CFLAR: variants seen among roughly 807,000 people sequenced by gnomAD.
CFLAR encodes CASP8 and FADD-like apoptosis regulator.
CFLAR carries 14 observed loss-of-function variants against 51.1 expected under a neutral mutation model. The ratio of observed to expected loss-of-function variants is 0.27; its 90% confidence interval spans 0.18 to 0.43. CFLAR has a LOEUF of 0.43. CFLAR is among the 20% of genes least tolerant of loss of function. The pLI is 1.00. For synonymous variants in CFLAR, 210 were observed against 211.6 expected (o/e 0.99, Z 0.06); for missense variants, 390 against 566.5 (o/e 0.69, Z 3.16).
rs189213508 is a variant in CFLAR at position 201,166,161 on chromosome 2, C to T, written c.*2188C>T. ...TCACTTCCCAGATGGGGCGGCCAGG[C>T]GGACGCGCCCCCCACCTCCCTCCCG... is the stretch of plus-strand genomic sequence containing the variant. On this transcript the variant is annotated 3_prime_UTR_variant, in exon 10 of 10. Transcript: ENST00000309955. The T allele has an allele frequency of 0.033, 5,350 of 162,926 alleles. 131 individuals carry two copies. The highest frequency in any genetic ancestry group is 0.074 in the Middle Eastern group (24 of 326). The allele number at this position is 162,926 out of a possible 1,614,324, so 10.1% of individuals were successfully genotyped here.
intron 5 of CFLAR, 76 bp downstream of exon 5, chr2:201,140,515 C>A: frequency 9.6e-7 from 1 of 1,044,550 alleles, no homozygotes; most frequent in Non-Finnish European, 1.4e-6. Context: ...CATATTCTCA[C>A]AGCATGTACT....
Position 201,144,656 on chromosome 2 carries a change from C to A in CFLAR, c.607-722C>A, listed in dbSNP as rs565996568. On this transcript the variant is annotated intron_variant, in intron 5 of 9. Coordinates refer to ENST00000309955, the MANE Select transcript of CFLAR (RefSeq NM_003879.7). ...GGATTCCTAGCCAGGTCTGTCTGGC[C>A]TAGAAATCCGACTCTTAACCATGCT... 3.7e-4 allele frequency among the ~76,000 whole-genome samples: 56 copies of A among 152,214 alleles called. No individual in the cohort carries two copies. In the South Asian group the frequency reaches 0.011, roughly 30 times the overall value.
chr2:201,140,254 T>C, intron 4 of CFLAR, 103 bp from the exon 5 acceptor site: 2 of 1,425,896 alleles, frequency 1.4e-6, no homozygotes, highest in Non-Finnish European at 1.9e-6. Context: ...AAGTTTAGGG[T>C]ATTTTGAAAG....
At chr2:201,163,071 T>A (rs774288458) in intron 9 of CFLAR, 1 of 754,338 alleles carries the variant, frequency 1.3e-6, no homozygotes, top group South Asian at 1.4e-5. Flanking sequence ...TCTTACTAGA[T>A]GTCCTATAGG....
At chr2:201,121,770 C>T (rs2048208594) in intron 1 of CFLAR, among the ~76,000 whole-genome samples, 1 of 152,174 alleles carries the variant, frequency 6.6e-6, no homozygotes, top group South Asian at 2.1e-4. Flanking sequence ...TTAATTTAAG[C>T]CAATCTTGTC....
chr2:201,126,425 G>A (rs1387625874), intron 1 of CFLAR, among the ~76,000 whole-genome samples: 1 of 152,168 alleles, frequency 6.6e-6, no homozygotes, highest in Non-Finnish European at 1.5e-5. Flanking sequence ...CTGGGAGTCA[G>A]CTTGCACAAG....
At chr2:201,148,936 A>G (rs1940777964) in intron 6 of CFLAR, 67 bp from the exon 7 acceptor site, 1 of 1,016,474 alleles carries the variant, frequency 9.8e-7, no homozygotes, top group Non-Finnish European at 1.6e-6. Flanking sequence ...AAAGAAACTC[A>G]GCCAGTGTAG....
intron 9 of CFLAR, chr2:201,163,313 A>G (rs1028537570): frequency 1.9e-5 from 24 of 1,242,214 alleles, no homozygotes; most frequent in Non-Finnish European, 1.9e-5. Flanking sequence ...TGAAGCCACA[A>G]TGTACCTCAA....
At chr2:201,140,321 A>G (rs1390364993) in intron 4 of CFLAR, 36 bp from the exon 5 acceptor site, 1 of 1,583,516 alleles carries the variant, frequency 6.3e-7, no homozygotes, top group South Asian at 1.1e-5. Flanking sequence ...AATAATTTGT[A>G]AGTTTTAACT....
chr2:201,168,655 C>A lies in CFLAR; in HGVS notation c.*4682C>A, dbSNP rs1267126724. ...GCAAGAGAAACAAATAAGGGGTATT[C>A]AAATAGGAAAAGAGGAAGTAAAACT... On this transcript the variant is annotated 3_prime_UTR_variant, in exon 10 of 10. Transcript: ENST00000309955. The A allele has an allele frequency of 6.9e-6, 1 of 145,732 alleles. No homozygotes were observed. The highest frequency in any genetic ancestry group is 1.9e-4 in the East Asian group (1 of 5,136). The allele number at this position is 145,732 out of a possible 1,614,324, so 9.0% of individuals were successfully genotyped here. A position where few individuals can be genotyped will look rare whatever the true frequency, so the allele number is the denominator to read the frequency against.
chr2:201,149,888 C>A, intron 8 of CFLAR, 53 bp downstream of exon 8: 1 of 1,334,726 alleles, frequency 7.5e-7, no homozygotes. Context: ...GATCATGGCA[C>A]AGGCAAGCTG....
intron 4 of CFLAR, chr2:201,139,982 T>G (rs1938181096): frequency 3.7e-6 from 1 of 267,230 alleles, no homozygotes; most frequent in African/African-American, 2.3e-5. Flanking sequence ...AGTGAACCCG[T>G]CCTCGACCAC....
At chr2:201,135,888 A>G (rs915029478) in intron 3 of CFLAR, 84 bp from the exon 4 acceptor site, 27 of 1,531,602 alleles carry the variant, frequency 1.8e-5, no homozygotes, top group Non-Finnish European at 2.3e-5. Context: ...CAGCCTCCCA[A>G]AGTGCTGGGA....
At chr2:201,162,819 G>A (rs904444554) in intron 9 of CFLAR, 9 of 518,724 alleles carry the variant, frequency 1.7e-5, no homozygotes, top group African/African-American at 1.4e-4. Context: ...ATTTTTGCAT[G>A]TCAGTAGTCA....
intron 4 of CFLAR, chr2:201,137,713 T>TG: frequency 1.3e-6 from 1 of 774,576 alleles, no homozygotes; most frequent in Non-Finnish European, 2.4e-6. Context: ...ATGGACCCTT[T>TG]GTCCTGGATG....
Position 201,160,863 on chromosome 2 carries a change from G to C in CFLAR, c.1225G>C (p.Asp409His), listed in dbSNP as rs1407802743. The change falls in exon 9 of 10, where the codon GAC (aspartate) becomes CAC (histidine). Residue 409 changes from aspartate to histidine, a missense_variant. Coordinates refer to ENST00000309955, the MANE Select transcript of CFLAR (RefSeq NM_003879.7). ...ADFFWSLCTA[D>H]MSLLEQSHSS... ...CTTCTTCTGGAGCCTGTGTACTGCGGACATGTCCCTGCTGGAGCAGTCTCA... is the reference window on the plus strand; with the variant it reads ...CTTCTTCTGGAGCCTGTGTACTGCGCACATGTCCCTGCTGGAGCAGTCTCA... 6.2e-7 allele frequency: 1 copy of C among 1,612,904 alleles called. No homozygotes were observed. The highest frequency in any genetic ancestry group is 8.5e-7 in the Non-Finnish European group (1 of 1,179,164).
rs1360257298 is a variant in CFLAR at position 201,160,487 on chromosome 2, T to A, written c.849T>A (p.His283Gln). 1 of 1,613,834 alleles carries A rather than the reference T, an allele frequency of 6.2e-7. No individual in the cohort carries two copies. Among genetic ancestry groups the A allele is most frequent in the Non-Finnish European group, 8.5e-7 (1 of 1,180,012 alleles). ...GCTATGAAGTCCAGAAATTCTTGCA[T>A]CTCAGTATGCATGGTATATCCCAGA... ...SLGYEVQKFLHLSMHGISQIL... is the reference protein window; with the variant it reads ...SLGYEVQKFLQLSMHGISQIL... Residue 283 changes from histidine to glutamine, a missense_variant, in exon 9 of 10, where the codon CAT (histidine) becomes CAA (glutamine). This residue lies in a region of CFLAR where 287 missense variants were observed against 363.6 expected (regional missense o/e 0.79). Transcript: ENST00000309955.
chr2:201,138,468 T>C lies in CFLAR; in HGVS notation c.524-1889T>C. On this transcript the variant is annotated intron_variant, in intron 4 of 9. Coordinates refer to ENST00000309955, the MANE Select transcript of CFLAR (RefSeq NM_003879.7). This position sits in a 1 kb window ranked among gnomAD's most constrained non-coding sequence, Gnocchi z 4.0. ...TCTTACTAAGCTGCAGGATCTCATT[T>C]GCCTCTTTCAACCTCACACTGCTGG... The C allele has an allele frequency of 1.1e-6, 1 of 934,602 alleles. No homozygotes were observed. The highest frequency in any genetic ancestry group is 1.3e-5 in the South Asian group (1 of 77,692). 57.9% of individuals were successfully genotyped at this position (934,602 alleles called of 1,614,324 possible). A position where few individuals can be genotyped will look rare whatever the true frequency, so the allele number is the denominator to read the frequency against.
At position 201,138,703 on chromosome 2, in the gene CFLAR, C is replaced by T. The variant is rs1435211120; in HGVS notation, c.524-1654C>T. 1.6e-5 allele frequency: 13 copies of T among 828,806 alleles called. No homozygotes were observed. Among genetic ancestry groups the T allele is most frequent in the South Asian group, 5.3e-5 (4 of 75,488 alleles). 51.3% of individuals were successfully genotyped at this position (828,806 alleles called of 1,614,324 possible). On this transcript the variant is annotated intron_variant, in intron 4 of 9. Coordinates refer to ENST00000309955, the MANE Select transcript of CFLAR (RefSeq NM_003879.7). This position sits in a 1 kb window ranked among gnomAD's most constrained non-coding sequence, Gnocchi z 4.0. ...ACAGTGTGCAAGGGGCTCAGCACCA[C>T]GGGGTGTGTGATAAAGCCCGGTTCA...
Sources: allele counts gnomAD v4.1 joint callset (sites outside exome capture counted in the v4.1 genomes callset), GRCh38; gene constraint gnomAD v4.1.1; regional missense constraint gnomAD v4.1.1; non-coding constraint Gnocchi (gnomAD v3.1); transcripts MANE v1.5; gene names NCBI Gene and HGNC (gene_info 2026-07-23, HGNC 2026-07-21).